Variants in GNB1L observed in about 807,000 individuals in gnomAD.
The protein encoded by GNB1L is guanine nucleotide-binding protein subunit beta-like protein 1.
Under a neutral mutation model 29.1 loss-of-function variants are expected in GNB1L, and 20 were observed. The observed-to-expected ratio is 0.69, with a 90% CI of 0.48 to 1.00. The LOEUF (loss-of-function observed/expected upper bound fraction) is 1.00. Among genes scored for constraint, GNB1L ranks in the 50% least tolerant of loss-of-function variants. The probability of loss-of-function intolerance (pLI) is 0.00; values close to 1 mark genes in which losing one functional copy is unlikely to be tolerated. For missense variants in GNB1L, 421 were observed against 464.9 expected, an observed-to-expected ratio of 0.91 and a Z score of 0.87; for synonymous variants, 193 against 206.5, an observed-to-expected ratio of 0.93 and a Z score of 0.56.
At chr22:19,840,856 G>A (rs1374877265) in intron 2 of GNB1L, among the ~76,000 whole-genome samples, 1 of 152,006 alleles carries the variant, frequency 6.6e-6, no homozygotes, top group Non-Finnish European at 1.5e-5. Flanking sequence ...TCCAGGAATG[G>A]CATTCAACCT....
chr22:19,852,238 C>A (rs200464874), intron 2 of GNB1L: 1 of 1,607,976 alleles, frequency 6.2e-7, no homozygotes, highest in Non-Finnish European at 8.5e-7. Context: ...GAGGGCCCTG[C>A]TGACGGCACC....
chr22:19,852,410 G>A, intron 2 of GNB1L: 1 of 788,856 alleles, frequency 1.3e-6, no homozygotes, highest in South Asian at 1.9e-5. Flanking sequence ...TGAGGATCAG[G>A]GAGCTGACAG....
intron 4 of GNB1L, among the ~76,000 whole-genome samples, chr22:19,819,519 C>G (rs565140354): frequency 9.2e-5 from 14 of 152,290 alleles, no homozygotes; most frequent in African/African-American, 3.4e-4. Flanking sequence ...GTTCACTAGG[C>G]TCTTCCCAGC....
chr22:19,844,776 G>A (rs919855446), intron 2 of GNB1L, among the ~76,000 whole-genome samples: 1 of 152,252 alleles, frequency 6.6e-6, no homozygotes, highest in Admixed American at 6.5e-5. Flanking sequence ...TACGGGCAGA[G>A]GCAGGAACCC....
At position 19,850,251 on chromosome 22, in the gene GNB1L, G is replaced by A. The variant is rs893132137; in HGVS notation, c.-21+4192C>T. On this transcript the variant is annotated intron_variant, in intron 2 of 7. Coordinates refer to ENST00000329517, the MANE Select transcript of GNB1L (RefSeq NM_053004.3). The stretch of plus-strand genomic sequence containing the variant: ...ACCACCTCAGCCAGTAATCCAACAC[G>A]TGTTTAATGAGCACCAATTGTGTAC... 1.7e-5 allele frequency: 17 copies of A among 985,076 alleles called. No individual in the cohort carries two copies. In the African/African-American group the frequency reaches 1.7e-4, roughly 10 times the overall value. 61.0% of individuals were successfully genotyped at this position (985,076 alleles called of 1,614,324 possible). A position where few individuals can be genotyped will look rare whatever the true frequency, so the allele number is the denominator to read the frequency against.
intron 2 of GNB1L, among the ~76,000 whole-genome samples, chr22:19,836,978 T>G (rs2145893618): frequency 6.6e-6 from 1 of 152,156 alleles, no homozygotes; most frequent in East Asian, 1.9e-4. Flanking sequence ...ATTTTTTTTT[T>G]TTTTTTGAGA....
At chr22:19,830,700 C>T (rs77100383) in intron 2 of GNB1L, among the ~76,000 whole-genome samples, 2,265 of 152,262 alleles carry the variant, frequency 0.015, 59 homozygotes, top group African/African-American at 0.052. Flanking sequence ...GATATTAACA[C>T]TCACTTGGAT....
intron 4 of GNB1L, among the ~76,000 whole-genome samples, chr22:19,819,091 G>A (rs1937557712): frequency 6.6e-6 from 1 of 152,184 alleles, no homozygotes; most frequent in Non-Finnish European, 1.5e-5. Flanking sequence ...TAACCCTCGG[G>A]GGCTGCCCCT....
At chr22:19,804,949 A>G (rs1205426086) in intron 6 of GNB1L, among the ~76,000 whole-genome samples, 2 of 152,298 alleles carry the variant, frequency 1.3e-5, no homozygotes, top group East Asian at 3.9e-4. Context: ...TGCCCTGCCC[A>G]CTGCCTGCGG....
intron 7 of GNB1L, 146 bp from the exon 8 acceptor site, chr22:19,789,106 TC>T: frequency 1.2e-6 from 1 of 838,568 alleles, no homozygotes; most frequent in Non-Finnish European, 1.9e-6. Context: ...CCAGCTGACC[TC>T]CCACTCTTCC....
intron 2 of GNB1L, among the ~76,000 whole-genome samples, chr22:19,841,462 C>A (rs988381951): frequency 1.4e-4 from 21 of 152,090 alleles, no homozygotes; most frequent in African/African-American, 4.3e-4. Flanking sequence ...ACCCCCATCT[C>A]TACAAACAAA....
chr22:19,832,776 TA>T (rs1217169356), intron 2 of GNB1L, among the ~76,000 whole-genome samples: 1 of 151,794 alleles, frequency 6.6e-6, no homozygotes. Flanking sequence ...TGGGGAGAGC[TA>T]AAAAAAGTTC....
At chr22:19,844,428 G>T (rs1472130686) in intron 2 of GNB1L, among the ~76,000 whole-genome samples, 1 of 152,220 alleles carries the variant, frequency 6.6e-6, no homozygotes, top group Non-Finnish European at 1.5e-5. Flanking sequence ...TTTCTTCCTT[G>T]GGGATGCCTG....
At chr22:19,812,623 C>T (rs1937510669) in intron 4 of GNB1L, among the ~76,000 whole-genome samples, 176 bp from the exon 5 acceptor site, 1 of 152,232 alleles carries the variant, frequency 6.6e-6, no homozygotes, top group Non-Finnish European at 1.5e-5. Flanking sequence ...GGCATTGACA[C>T]TTGAGCCAGC....
chr22:19,849,772 G>A lies in GNB1L; in HGVS notation c.-21+4671C>T, dbSNP rs903375272. ...GCTTTTTCTTCCTACTTTCCAGGAA[G>A]GTGTTGTTTTGTTGTTTTCACAATT... On this transcript the variant is annotated intron_variant, in intron 2 of 7. Coordinates refer to ENST00000329517, the MANE Select transcript of GNB1L (RefSeq NM_053004.3). The A allele has an allele frequency of 4.1e-6, 4 of 985,296 alleles. No individual in the cohort carries two copies. The African/African-American group carries it at 7.0e-5, about 17-fold the overall frequency. The allele number at this position is 985,296 out of a possible 1,614,324, so 61.0% of individuals were successfully genotyped here.
At chr22:19,812,143 C>T (rs1937507225) in intron 5 of GNB1L, 142 bp downstream of exon 5, 1 of 823,268 alleles carries the variant, frequency 1.2e-6, no homozygotes, top group East Asian at 2.7e-5. Context: ...GCCGGCTGTG[C>T]ATCAGCCCCG....
intron 2 of GNB1L, among the ~76,000 whole-genome samples, chr22:19,840,550 C>T (rs1278236749): frequency 6.6e-6 from 1 of 152,202 alleles, no homozygotes; most frequent in African/African-American, 2.4e-5. Context: ...TGGCTCACAC[C>T]TGTAATCCCA....
chr22:19,829,501 GA>G (rs1488889240), intron 2 of GNB1L, among the ~76,000 whole-genome samples: 7 of 152,158 alleles, frequency 4.6e-5, no homozygotes, highest in Non-Finnish European at 7.4e-5. Flanking sequence ...TTTTTAAAAT[GA>G]AAAATACTAC....
In GNB1L at chr22:19,802,236, A is replaced by T; in HGVS notation, c.517-20T>A. 1 of 1,604,628 alleles carries T rather than the reference A, an allele frequency of 6.2e-7. No homozygotes were observed. The highest frequency in any genetic ancestry group is 8.5e-7 in the Non-Finnish European group (1 of 1,174,272). ...GTCGGCCTGCGGGGAACAGCAGAGC[A>T]GTCAGCTCCTGGAAGGACCCTGACT... is the stretch of plus-strand genomic sequence containing the variant. On this transcript the variant is annotated intron_variant, in intron 6 of 7. Transcript: ENST00000329517.
Sources: allele counts gnomAD v4.1 joint callset (sites outside exome capture counted in the v4.1 genomes callset), GRCh38; gene constraint gnomAD v4.1.1; transcripts MANE v1.5; gene names NCBI Gene and HGNC (gene_info 2026-07-23, HGNC 2026-07-21).